KAT6A: variants seen among roughly 807,000 people sequenced by gnomAD.
The protein encoded by KAT6A is histone acetyltransferase KAT6A.
Under a neutral mutation model 198.4 loss-of-function variants are expected in KAT6A, and 9 were observed. The ratio of observed to expected loss-of-function variants is 0.05; its 90% CI spans 0.03 to 0.08. The LOEUF is 0.08. Among genes scored for constraint, KAT6A ranks in the 10% least tolerant of loss-of-function variants. The pLI, the probability that KAT6A is intolerant of heterozygous loss-of-function variation, is 1.00. For missense variants in KAT6A, 2,077 were observed against 2,509.9 expected, an observed-to-expected ratio of 0.83 and a Z score of 3.69; for synonymous variants, 890 against 883.0, an observed-to-expected ratio of 1.01 and a Z score of -0.14.
chr8:41,930,684 G>GTATA lies in KAT6A; in HGVS notation c.*1520_*1521insTATA, dbSNP rs1422168196. On this transcript the variant is annotated 3_prime_UTR_variant, in exon 17 of 17. Transcript: ENST00000265713. ...TGATGGAATATATATATATATATAT[G>GTATA]TGTGTGTGTGTGTGTGTGTGTGTGT... The GTATA allele has an allele frequency of 1.2e-5, 1 of 80,792 alleles. No homozygotes were observed. The highest frequency in any genetic ancestry group is 6.1e-5 in the African/African-American group (1 of 16,512). 5.0% of individuals were successfully genotyped at this position (80,792 alleles called of 1,614,324 possible). A position where few individuals can be genotyped will look rare whatever the true frequency, so the allele number is the denominator to read the frequency against.
chr8:41,947,614 T>C (rs1185143756), intron 11 of KAT6A, 137 bp downstream of exon 11: 3 of 655,280 alleles, frequency 4.6e-6, no homozygotes, highest in Admixed American at 7.2e-5. Context: ...AGTTTCCAAA[T>C]GTTCCTTCTA....
intron 2 of KAT6A, among the ~76,000 whole-genome samples, chr8:41,996,693 T>TGC (rs1587801970): frequency 6.6e-6 from 1 of 152,336 alleles, no homozygotes; most frequent in Non-Finnish European, 1.5e-5. Context: ...TCTGCCCTTA[T>TGC]GCCATGTTAT....
chr8:42,001,835 T>C (rs946373753), intron 2 of KAT6A, among the ~76,000 whole-genome samples: 1 of 152,186 alleles, frequency 6.6e-6, no homozygotes, highest in East Asian at 1.9e-4. Flanking sequence ...CAGGAAATGC[T>C]TGGTTACCTA....
Position 41,930,726 on chromosome 8 carries a change from A to AT in KAT6A, c.*1478dup, listed in dbSNP as rs1821495373. The AT allele has an allele frequency of 4.4e-5, 4 of 91,804 alleles. No homozygotes were observed. The highest frequency in any genetic ancestry group is 1.4e-4 in the Admixed American group (1 of 6,920). The allele number at this position is 91,804 out of a possible 1,614,324, so 5.7% of individuals were successfully genotyped here. A position where few individuals can be genotyped will look rare whatever the true frequency, so the allele number is the denominator to read the frequency against. ...TGTGTGTGTGTATATATATATATAT[A>AT]TATTTTTTTTTTTTTTTTTTTTTTT... On this transcript the variant is annotated 3_prime_UTR_variant, in exon 17 of 17. Coordinates refer to ENST00000265713, the MANE Select transcript of KAT6A (RefSeq NM_006766.5).
intron 2 of KAT6A, among the ~76,000 whole-genome samples, chr8:41,995,090 C>T (rs1825131805): frequency 7.1e-6 from 1 of 141,622 alleles, no homozygotes; most frequent in African/African-American, 2.7e-5. Context: ...AAAAACAATG[C>T]CTAGTATATA....
chr8:41,941,526 T>G (rs1822136272), intron 14 of KAT6A, 82 bp from the exon 15 acceptor site: 2 of 1,407,286 alleles, frequency 1.4e-6, no homozygotes, highest in Admixed American at 2.4e-5. Context: ...TTTTAAGTAT[T>G]GAGAGAAGAA....
chr8:41,967,062 C>A (rs911334558), intron 8 of KAT6A, among the ~76,000 whole-genome samples: 37 of 152,154 alleles, frequency 2.4e-4, no homozygotes, highest in South Asian at 6.2e-4. Flanking sequence ...ATTTTAATAA[C>A]CCGCACAGAT....
intron 2 of KAT6A, among the ~76,000 whole-genome samples, chr8:42,041,730 T>C (rs1247311708): frequency 1.3e-5 from 2 of 148,452 alleles, no homozygotes; most frequent in African/African-American, 5.0e-5. Context: ...AGAGCAAGAC[T>C]CCATCTCAAA....
chr8:42,036,014 T>C (rs1488275637), intron 2 of KAT6A, among the ~76,000 whole-genome samples: 2 of 152,140 alleles, frequency 1.3e-5, no homozygotes, highest in Non-Finnish European at 2.9e-5. Context: ...CCTTTCACAC[T>C]TCTTTCACTG....
chr8:41,988,338 C>T (rs928071968), intron 2 of KAT6A, among the ~76,000 whole-genome samples: 4 of 151,940 alleles, frequency 2.6e-5, no homozygotes, highest in Admixed American at 6.6e-5. Flanking sequence ...AGACTGCCAC[C>T]GAAGGTAAAG....
At chr8:42,011,476 A>G (rs1017479950) in intron 2 of KAT6A, among the ~76,000 whole-genome samples, 1 of 152,122 alleles carries the variant, frequency 6.6e-6, no homozygotes, top group Non-Finnish European at 1.5e-5. Flanking sequence ...GGTGACTCAC[A>G]CCTGTAATCC....
At chr8:42,041,737 C>CAA (rs568405744) in intron 2 of KAT6A, among the ~76,000 whole-genome samples, 1 of 122,042 alleles carries the variant, frequency 8.2e-6, no homozygotes, top group South Asian at 2.6e-4. Context: ...GACTCCATCT[C>CAA]AAAAAAAAAA....
chr8:41,945,273 C>CTT (rs566905953), intron 12 of KAT6A, among the ~76,000 whole-genome samples: 9 of 139,468 alleles, frequency 6.5e-5, no homozygotes, highest in Admixed American at 1.4e-4. Context: ...AGGTATAGTA[C>CTT]TTTTTTTTTT....
At chr8:41,974,942 A>T (rs951659782) in intron 7 of KAT6A, 120 bp from the exon 8 acceptor site, 42 of 542,936 alleles carry the variant, frequency 7.7e-5, no homozygotes, top group Non-Finnish European at 6.3e-5. Context: ...ATATAGCATT[A>T]AACTGACTCT....
chr8:42,029,492 G>C (rs532143105), intron 2 of KAT6A, among the ~76,000 whole-genome samples: 1 of 150,346 alleles, frequency 6.7e-6, no homozygotes, highest in South Asian at 2.1e-4. Flanking sequence ...CAAAAGATCT[G>C]TCTTCAAATT....
chr8:41,988,772 T>G (rs1031525833), intron 2 of KAT6A, among the ~76,000 whole-genome samples: 1 of 152,122 alleles, frequency 6.6e-6, no homozygotes, highest in Non-Finnish European at 1.5e-5. Flanking sequence ...AAGCAGAAAG[T>G]TTGGAGGAAA....
chr8:42,042,486 T>A (rs1311672283), intron 2 of KAT6A, among the ~76,000 whole-genome samples: 2 of 151,782 alleles, frequency 1.3e-5, no homozygotes, highest in Non-Finnish European at 1.5e-5. Flanking sequence ...TATCTCTACA[T>A]CGAAAATTTA....
intron 8 of KAT6A, among the ~76,000 whole-genome samples, chr8:41,960,779 G>A (rs1483871470): frequency 6.6e-6 from 1 of 151,972 alleles, no homozygotes; most frequent in African/African-American, 2.4e-5. Flanking sequence ...CCATAATCCA[G>A]TGCTTCCATC....
chr8:41,953,178 T>G (rs1247700386), intron 9 of KAT6A, among the ~76,000 whole-genome samples: 1 of 152,328 alleles, frequency 6.6e-6, no homozygotes, highest in Middle Eastern at 3.4e-3. Context: ...TAAATATCTA[T>G]CTTAAAAGAA....
Sources: allele counts gnomAD v4.1 joint callset (sites outside exome capture counted in the v4.1 genomes callset), GRCh38; gene constraint gnomAD v4.1.1; transcripts MANE v1.5; gene names NCBI Gene and HGNC (gene_info 2026-07-23, HGNC 2026-07-21).